Variants in ZBTB20 observed in about 807,000 individuals in gnomAD.
The protein encoded by ZBTB20 is zinc finger and BTB domain containing 20.
A neutral mutation model predicts 56.9 loss-of-function variants in ZBTB20; 9 were observed. The observed-to-expected ratio is 0.16, with a 90% CI of 0.10 to 0.28. ZBTB20 has a LOEUF of 0.28. ZBTB20 is among the 10% of genes least tolerant of loss of function. The pLI is 1.00. For missense variants in ZBTB20, 655 were observed against 1,003.0 expected, an observed-to-expected ratio of 0.65 and a Z score of 4.69; for synonymous variants, 417 against 420.7, an observed-to-expected ratio of 0.99 and a Z score of 0.11.
chr3:114,323,604 C>T lies in ZBTB20; in HGVS notation c.*15401G>A, dbSNP rs1247042419. 1 of 152,216 alleles carries T rather than the reference C, an allele frequency of 6.6e-6. No homozygotes were observed. Among genetic ancestry groups the T allele is most frequent in the African/African-American group, 2.4e-5 (1 of 41,456 alleles). The allele number at this position is 152,216 out of a possible 1,614,324, so 9.4% of individuals were successfully genotyped here. ...GAGGAGGCCAAGGCAAAGACTTCTA[C>T]ATCATATCAATTGGCTTCTTCACTG... On this transcript the variant is annotated 3_prime_UTR_variant, in exon 12 of 12. Transcript: ENST00000675478.
rs578043014 is a variant in ZBTB20 at position 114,659,701 on chromosome 3, C to T, written c.-295+33827G>A. On this transcript the variant is annotated intron_variant, in intron 6 of 11. Transcript: ENST00000675478. ...GGCTTTTGAACTGGCGGTTTGAAAA[C>T]GAAGGCATTTTTCTTTTAGGGAGAA... Among the ~76,000 whole-genome samples the T allele has an allele frequency of 9.6e-4, 146 of 152,252 alleles. 1 individual carries two copies. Among genetic ancestry groups the T allele is most frequent in the Non-Finnish European group, 1.7e-3 (114 of 68,020 alleles).
chr3:114,539,350 T>G (rs1190936641), intron 6 of ZBTB20, among the ~76,000 whole-genome samples: 1 of 152,180 alleles, frequency 6.6e-6, no homozygotes, highest in Non-Finnish European at 1.5e-5. Flanking sequence ...CCCATTTTGT[T>G]ATGTTGATTC....
At chr3:114,697,497 G>C (rs757291033) in intron 5 of ZBTB20, among the ~76,000 whole-genome samples, 2 of 151,038 alleles carry the variant, frequency 1.3e-5, no homozygotes, top group African/African-American at 2.4e-5. Context: ...AACAGTCTGA[G>C]AAAAGGGAAA....
chr3:114,468,008 T>A (rs1346248872), intron 7 of ZBTB20, among the ~76,000 whole-genome samples: 1 of 152,172 alleles, frequency 6.6e-6, no homozygotes, highest in Non-Finnish European at 1.5e-5. Flanking sequence ...CTCTAAGAGT[T>A]TTTGTGGTCA....
intron 1 of ZBTB20, among the ~76,000 whole-genome samples, chr3:115,115,509 T>C (rs1368105124): frequency 6.6e-6 from 1 of 152,084 alleles, no homozygotes; most frequent in Non-Finnish European, 1.5e-5. Context: ...CATTTAACTA[T>C]ATAGTAAACA....
At chr3:114,745,806 AATG>A (rs1403553094) in intron 5 of ZBTB20, among the ~76,000 whole-genome samples, 1 of 152,192 alleles carries the variant, frequency 6.6e-6, no homozygotes, top group African/African-American at 2.4e-5. Context: ...TAATAGTAAT[AATG>A]ATGATATCAA....
At chr3:114,459,220 C>G (rs1031555578) in intron 7 of ZBTB20, among the ~76,000 whole-genome samples, 1 of 152,206 alleles carries the variant, frequency 6.6e-6, no homozygotes, top group East Asian at 1.9e-4. Flanking sequence ...GCTCTTGAAG[C>G]CTTCCTTCTT....
rs146579069 is a variant in ZBTB20 at position 114,338,585 on chromosome 3, T to A, written c.*420A>T. 381 of 154,378 alleles carry A rather than the reference T, an allele frequency of 2.5e-3. 3 individuals are homozygous for A. Among genetic ancestry groups the A allele is most frequent in the East Asian group, 0.011 (60 of 5,254 alleles). 9.6% of individuals were successfully genotyped at this position (154,378 alleles called of 1,614,324 possible). A position where few individuals can be genotyped will look rare whatever the true frequency, so the allele number is the denominator to read the frequency against. On this transcript the variant is annotated 3_prime_UTR_variant, in exon 12 of 12. Transcript: ENST00000675478. ...GTCCACTGAAACACTGCAAGCGGTG[T>A]ACTTAAAGACAGTAGGCCTTTTAGA...
chr3:114,829,088 C>A (rs1232319048), intron 4 of ZBTB20, among the ~76,000 whole-genome samples: 3 of 151,740 alleles, frequency 2.0e-5, no homozygotes, highest in Admixed American at 2.0e-4. Context: ...GTCACCTGGG[C>A]TCTTAAACTG....
At chr3:114,958,142 T>C (rs1242429000) in intron 3 of ZBTB20, among the ~76,000 whole-genome samples, 1 of 152,228 alleles carries the variant, frequency 6.6e-6, no homozygotes, top group African/African-American at 2.4e-5. Flanking sequence ...CCATTTGCTT[T>C]GTCAAGCTCC....
intron 7 of ZBTB20, among the ~76,000 whole-genome samples, chr3:114,414,945 G>A (rs748559387): frequency 1.3e-5 from 2 of 150,080 alleles, no homozygotes; most frequent in Non-Finnish European, 3.0e-5. Context: ...TTTCTCTGCC[G>A]CCCCCCCGCA....
At chr3:115,048,937 T>C (rs1046027311) in intron 2 of ZBTB20, among the ~76,000 whole-genome samples, 3 of 152,178 alleles carry the variant, frequency 2.0e-5, no homozygotes, top group African/African-American at 7.2e-5. Context: ...CTTTCACAGG[T>C]ACACATACTT....
At chr3:114,847,626 G>C (rs1044157387) in intron 4 of ZBTB20, among the ~76,000 whole-genome samples, 1 of 151,736 alleles carries the variant, frequency 6.6e-6, no homozygotes, top group African/African-American at 2.4e-5. Flanking sequence ...GAGGACTTTT[G>C]GGAATCCTTT....
chr3:114,571,617 A>C (rs1284834315), intron 6 of ZBTB20, among the ~76,000 whole-genome samples: 6 of 152,126 alleles, frequency 3.9e-5, no homozygotes, highest in Non-Finnish European at 8.8e-5. Flanking sequence ...GGCCAATCTT[A>C]AGGAATAATG....
At chr3:114,525,396 G>A (rs1379211600) in intron 6 of ZBTB20, among the ~76,000 whole-genome samples, 1 of 152,016 alleles carries the variant, frequency 6.6e-6, no homozygotes, top group Non-Finnish European at 1.5e-5. Flanking sequence ...ATTTCACCGA[G>A]TAAAGTCATT....
intron 7 of ZBTB20, among the ~76,000 whole-genome samples, chr3:114,474,780 G>A (rs747681396): frequency 3.3e-5 from 5 of 152,034 alleles, no homozygotes; most frequent in African/African-American, 4.8e-5. Context: ...TAATTCTCCC[G>A]CCACATTTCA....
intron 5 of ZBTB20, among the ~76,000 whole-genome samples, chr3:114,731,612 T>G (rs1458955831): frequency 6.6e-6 from 1 of 152,220 alleles, no homozygotes. Context: ...AGCCATTTGT[T>G]TGTACCTAAT....
rs1177927183 is a variant in ZBTB20 at position 114,932,610 on chromosome 3, T to G, written c.-455-32268A>C. 7.9e-5 allele frequency among the ~76,000 whole-genome samples: 12 copies of G among 152,350 alleles called. No individual in the cohort carries two copies. In the East Asian group the frequency reaches 2.3e-3, roughly 29 times the overall value. On this transcript the variant is annotated intron_variant, in intron 3 of 11. Coordinates refer to ENST00000675478, the MANE Select transcript of ZBTB20 (RefSeq NM_001348800.3). ...TTTCTTAGAAATACTTTCAGTTCAC[T>G]TCTTGGTTTTCCTATCTCACTTACC...
intron 3 of ZBTB20, among the ~76,000 whole-genome samples, chr3:114,947,692 T>C (rs2076929603): frequency 6.9e-6 from 1 of 145,812 alleles, no homozygotes; most frequent in South Asian, 2.1e-4. Flanking sequence ...AATTATTTAA[T>C]GGGTACTATG....
Sources: gnomAD v4.1 joint callset for allele counts (sites outside exome capture counted in the v4.1 genomes callset) on GRCh38, gnomAD v4.1.1 for gene constraint, MANE v1.5 for transcripts, NCBI Gene and HGNC (gene_info 2026-07-23, HGNC 2026-07-21) for gene names.